The following LAMA1 variants were observed in gnomAD, a reference collection of about 807,000 sequenced individuals.
The protein encoded by LAMA1 is laminin subunit alpha 1.
A neutral mutation model predicts 348.7 loss-of-function variants in LAMA1; 219 were observed. The observed-to-expected ratio is 0.63, with a 90% CI of 0.56 to 0.70. LAMA1 has a LOEUF of 0.70. Among genes scored for constraint, LAMA1 ranks in the 30% least tolerant of loss-of-function variants. The pLI, the probability that LAMA1 is intolerant of heterozygous loss-of-function variation, is 0.00. For missense variants in LAMA1, 3,744 were observed against 3,888.0 expected, an observed-to-expected ratio of 0.96 and a Z score of 0.99; for synonymous variants, 1,487 against 1,491.0, an observed-to-expected ratio of 1.00 and a Z score of 0.06.
At chr18:6,984,199 G>C (rs2057724173) in intron 39 of LAMA1, among the ~76,000 whole-genome samples, 1 of 152,042 alleles carries the variant, frequency 6.6e-6, no homozygotes, top group South Asian at 2.1e-4. Flanking sequence ...ACTCAATTTA[G>C]CGCATAATTT....
intron 9 of LAMA1, among the ~76,000 whole-genome samples, chr18:7,041,382 T>C (rs1172753490): frequency 7.5e-6 from 1 of 133,490 alleles, no homozygotes; most frequent in East Asian, 2.4e-4. Flanking sequence ...CATCATCATC[T>C]TCATTATTAT....
At chr18:7,108,640 C>CAAAAAAAAAAAAAAAAA (rs58802341) in intron 1 of LAMA1, among the ~76,000 whole-genome samples, 5 of 40,238 alleles carry the variant, frequency 1.2e-4, no homozygotes, top group South Asian at 3.3e-3. Context: ...GACTCTGTCT[C>CAAAAAAAAAAAAAAAAA]AAAAAAAAAA....
intron 39 of LAMA1, among the ~76,000 whole-genome samples, chr18:6,984,571 G>C (rs1010410347): frequency 6.6e-6 from 1 of 152,178 alleles, no homozygotes; most frequent in Non-Finnish European, 1.5e-5. Context: ...CAAAGGCATC[G>C]GTGGCTTAAG....
chr18:7,088,982 G>C (rs568873761), intron 1 of LAMA1, among the ~76,000 whole-genome samples: 1 of 152,032 alleles, frequency 6.6e-6, no homozygotes, highest in Non-Finnish European at 1.5e-5. Context: ...TCCAGCCTGG[G>C]AGACAGTGAG....
At chr18:7,012,255 C>G (rs2057864068) in intron 23 of LAMA1, 117 bp from the exon 24 acceptor site, 2 of 1,131,824 alleles carry the variant, frequency 1.8e-6, no homozygotes, top group African/African-American at 3.1e-5. Context: ...GATGCACAAA[C>G]ATTAGTTTCC....
chr18:6,975,772 G>C, intron 45 of LAMA1, among the ~76,000 whole-genome samples, 165 bp downstream of exon 45: 1 of 152,134 alleles, frequency 6.6e-6, no homozygotes, highest in Non-Finnish European at 1.5e-5. Context: ...TTGGTAGTTT[G>C]TTCATTTTTC....
chr18:7,000,392 G>A (rs2057802466), intron 30 of LAMA1, among the ~76,000 whole-genome samples: 1 of 152,150 alleles, frequency 6.6e-6, no homozygotes, highest in African/African-American at 2.4e-5. Flanking sequence ...GCAGAGGGAA[G>A]ATGGCTGAAC....
At chr18:7,032,689 C>G (rs1375768950) in intron 15 of LAMA1, among the ~76,000 whole-genome samples, 2 of 152,156 alleles carry the variant, frequency 1.3e-5, no homozygotes, top group African/African-American at 4.8e-5. Context: ...TGATCAAGTT[C>G]CATCCTCCTT....
At chr18:7,113,170 A>G (rs534507327) in intron 1 of LAMA1, among the ~76,000 whole-genome samples, 1 of 152,330 alleles carries the variant, frequency 6.6e-6, no homozygotes, top group Admixed American at 6.5e-5. Context: ...AGTACAGGGA[A>G]GGTTGTCTAA....
chr18:7,010,012 G>A (rs1304419507), intron 26 of LAMA1, among the ~76,000 whole-genome samples, 188 bp downstream of exon 26: 1 of 152,036 alleles, frequency 6.6e-6, no homozygotes, highest in Non-Finnish European at 1.5e-5. Context: ...TCATCATGTT[G>A]GACAGGCTGG....
At chr18:7,076,568 T>C (rs955387099) in intron 3 of LAMA1, among the ~76,000 whole-genome samples, 7 of 151,900 alleles carry the variant, frequency 4.6e-5, no homozygotes, top group South Asian at 2.1e-4. Context: ...ATATATTCAA[T>C]AGCATTTTTT....
Position 7,101,296 on chromosome 18 carries a change from T to G in LAMA1, c.61+16364A>C, listed in dbSNP as rs537987203. ...AAAACAGAGATTCTCCTCACTCTTG[T>G]AAGTAAGTGGTATAAATTTATGTGG... On this transcript the variant is annotated intron_variant, in intron 1 of 62. Coordinates refer to ENST00000389658, the MANE Select transcript of LAMA1 (RefSeq NM_005559.4). Among the ~76,000 whole-genome samples, 3 of 152,276 alleles carry G rather than the reference T, an allele frequency of 2.0e-5. No individual in the cohort carries two copies. The East Asian group carries it at 5.8e-4, about 29-fold the overall frequency.
At chr18:7,052,394 GC>G (rs769987434) in intron 3 of LAMA1, among the ~76,000 whole-genome samples, 11 of 151,028 alleles carry the variant, frequency 7.3e-5, no homozygotes, top group Non-Finnish European at 1.6e-4. Context: ...TTGCACCACT[GC>G]ACTCCAGCTT....
intron 23 of LAMA1, 107 bp from the exon 24 acceptor site, chr18:7,012,245 G>C (rs952476626): frequency 8.1e-7 from 1 of 1,229,212 alleles, no homozygotes. Flanking sequence ...CATAATTATA[G>C]ATGCACAAAC....
chr18:6,979,707 G>A (rs1333870841), intron 42 of LAMA1, among the ~76,000 whole-genome samples: 3 of 152,078 alleles, frequency 2.0e-5, no homozygotes, highest in African/African-American at 4.8e-5. Context: ...AGACCATCCT[G>A]GCTAACACGG....
At chr18:7,095,378 A>G (rs2058256959) in intron 1 of LAMA1, among the ~76,000 whole-genome samples, 1 of 152,194 alleles carries the variant, frequency 6.6e-6, no homozygotes, top group Non-Finnish European at 1.5e-5. Context: ...ACAAACTGGT[A>G]GTACTCAAAT....
intron 1 of LAMA1, among the ~76,000 whole-genome samples, chr18:7,086,231 G>A (rs1430005661): frequency 2.0e-5 from 3 of 152,274 alleles, no homozygotes; most frequent in Non-Finnish European, 2.9e-5. Flanking sequence ...TCTTCTCACC[G>A]ATGTGGATAA....
chr18:7,077,220 G>C (rs1413090155), intron 3 of LAMA1, among the ~76,000 whole-genome samples: 1 of 38,792 alleles, frequency 2.6e-5, no homozygotes, highest in Non-Finnish European at 5.2e-5. Context: ...TTTTTTTTTT[G>C]AGACGGAGTC....
At position 6,965,715 on chromosome 18, in the gene LAMA1, C is replaced by T. The variant is rs536915471; in HGVS notation, c.7051-283G>A. Reference sequence around the variant, plus strand: ...TTTTCATTGAGACTGACAAGGGGCCCGTTCTAAAAAATAAAACCAAAAGAC... The same window carrying T: ...TTTTCATTGAGACTGACAAGGGGCCTGTTCTAAAAAATAAAACCAAAAGAC... On this transcript the variant is annotated intron_variant, in intron 49 of 62. Coordinates refer to ENST00000389658, the MANE Select transcript of LAMA1 (RefSeq NM_005559.4). The T allele has an allele frequency of 4.7e-5, 21 of 450,406 alleles. No homozygotes were observed. In the East Asian group the frequency reaches 5.1e-4, roughly 11 times the overall value. 27.9% of individuals were successfully genotyped at this position (450,406 alleles called of 1,614,324 possible). A position where few individuals can be genotyped will look rare whatever the true frequency, so the allele number is the denominator to read the frequency against.
Sources: gnomAD v4.1 joint callset for allele counts (sites outside exome capture counted in the v4.1 genomes callset) on GRCh38, gnomAD v4.1.1 for gene constraint, MANE v1.5 for transcripts, NCBI Gene and HGNC (gene_info 2026-07-23, HGNC 2026-07-21) for gene names.